CNTLN: variants seen among roughly 807,000 people sequenced by gnomAD.
CNTLN encodes the protein centlein.
A neutral mutation model predicts 180.0 loss-of-function variants in CNTLN; 212 were observed. That is an observed-to-expected ratio of 1.18 (90% CI 1.05 to 1.32). The LOEUF (loss-of-function observed/expected upper bound fraction) is 1.32, where lower values mean the gene tolerates loss of function less well. CNTLN is among the 40% of genes most tolerant of loss of function. CNTLN has a pLI of 0.00. For missense variants in CNTLN, 2,095 were observed against 1,610.9 expected (o/e 1.30, Z -5.14); for synonymous variants, 722 against 563.1 (o/e 1.28, Z -3.99).
At chr9:17,339,195 C>T (rs1385734537) in intron 10 of CNTLN, among the ~76,000 whole-genome samples, 1 of 152,102 alleles carries the variant, frequency 6.6e-6, no homozygotes, top group Non-Finnish European at 1.5e-5. Flanking sequence ...AGAGAACTAT[C>T]CTAGTAGAAA....
chr9:17,217,383 A>G (rs1005225921), intron 2 of CNTLN, among the ~76,000 whole-genome samples: 2 of 152,264 alleles, frequency 1.3e-5, no homozygotes, highest in African/African-American at 4.8e-5. Context: ...GCATGTGTGC[A>G]TATCTGCATA....
At position 17,481,633 on chromosome 9, in the gene CNTLN, C is replaced by T. The variant is rs559626179; in HGVS notation, c.3856-2662C>T. Among the ~76,000 whole-genome samples, 5 of 152,318 alleles carry T rather than the reference C, an allele frequency of 3.3e-5. No individual in the cohort carries two copies. The East Asian group carries it at 9.7e-4, about 29-fold the overall frequency. On this transcript the variant is annotated intron_variant, in intron 23 of 25. Transcript: ENST00000380647. ...GAGTCCAACCAGCAGCAATATTTGA[C>T]CAGAGAGCCTATCCTGGATGCCCCC...
At chr9:17,512,686 C>T in the CNTLN span, among the ~76,000 whole-genome samples, 2 of 152,130 alleles carry the variant, frequency 1.3e-5, no homozygotes, top group African/African-American at 2.4e-5. Context: ...CTTTTCAAAA[C>T]ATGTATTTTC....
chr9:17,173,777 A>G (rs976393016), intron 2 of CNTLN, among the ~76,000 whole-genome samples: 1 of 152,180 alleles, frequency 6.6e-6, no homozygotes, highest in Admixed American at 6.5e-5. Flanking sequence ...TAAAAATTAA[A>G]CTTTTCATTT....
Position 17,273,470 on chromosome 9 carries a change from T to G in CNTLN, c.850-263T>G, listed in dbSNP as rs541897869. Among the ~76,000 whole-genome samples the G allele has an allele frequency of 2.0e-3, 298 of 152,300 alleles. 2 individuals carry two copies. Among genetic ancestry groups the G allele is most frequent in the African/African-American group, 6.9e-3 (286 of 41,576 alleles). ...CTTTATTGTACAATAATTTAATAACTACATTTTTTATACATATCTTCTAGT... is the reference window on the plus strand; with the variant it reads ...CTTTATTGTACAATAATTTAATAACGACATTTTTTATACATATCTTCTAGT... On this transcript the variant is annotated intron_variant, in intron 5 of 25. Transcript: ENST00000380647.
At chr9:17,191,624 G>A (rs1821792582) in intron 2 of CNTLN, among the ~76,000 whole-genome samples, 1 of 152,198 alleles carries the variant, frequency 6.6e-6, no homozygotes, top group Admixed American at 6.5e-5. Context: ...TAGTAATGGT[G>A]AAATTAAGGA....
intron 5 of CNTLN, among the ~76,000 whole-genome samples, chr9:17,257,180 T>A (rs542551290): frequency 6.6e-6 from 1 of 151,162 alleles, no homozygotes; most frequent in East Asian, 2.0e-4. Flanking sequence ...CCTGTGTCCA[T>A]GTGATCTCAT....
chr9:17,366,863 T>A, intron 13 of CNTLN, 146 bp downstream of exon 13: 1 of 532,320 alleles, frequency 1.9e-6, no homozygotes, highest in Non-Finnish European at 3.3e-6. Context: ...AACATTTTCA[T>A]CCTGAGAAAA....
intron 6 of CNTLN, among the ~76,000 whole-genome samples, chr9:17,290,918 T>C (rs892185050): frequency 2.0e-5 from 3 of 152,122 alleles, no homozygotes; most frequent in Non-Finnish European, 4.4e-5. Context: ...TGGCACTCCC[T>C]AGTGAGAGAA....
At chr9:17,295,578 T>C (rs760511070) in intron 6 of CNTLN, among the ~76,000 whole-genome samples, 12 of 152,230 alleles carry the variant, frequency 7.9e-5, no homozygotes, top group Non-Finnish European at 1.3e-4. Flanking sequence ...TCACTCATTG[T>C]TTTTGTTCTT....
intron 23 of CNTLN, among the ~76,000 whole-genome samples, chr9:17,480,123 C>G (rs1305976606): frequency 1.3e-5 from 2 of 151,978 alleles, no homozygotes. Context: ...CCTAGGAGTT[C>G]AAGGCTATAG....
chr9:17,235,796 T>C lies in CNTLN; in HGVS notation c.669+4T>C. ...AGATAAAAGTCAAGAAATTAAGGTG[T>C]GTTGACTTGTACATAGTTTTGTGGG... On this transcript the variant is annotated splice_donor_region_variant and intron_variant, in intron 4 of 25. Coordinates refer to ENST00000380647, the MANE Select transcript of CNTLN (RefSeq NM_017738.4). 2.5e-6 allele frequency: 4 copies of C among 1,601,062 alleles called. No individual in the cohort carries two copies. Among genetic ancestry groups the C allele is most frequent in the Non-Finnish European group, 3.4e-6 (4 of 1,176,234 alleles).
chr9:17,258,986 C>T (rs537394129), intron 5 of CNTLN, among the ~76,000 whole-genome samples: 3 of 150,784 alleles, frequency 2.0e-5, no homozygotes, highest in East Asian at 3.9e-4. Flanking sequence ...TGCCTGATTG[C>T]CTGGCCAGAA....
chr9:17,251,691 G>A (rs1334372867), intron 5 of CNTLN, among the ~76,000 whole-genome samples: 2 of 151,702 alleles, frequency 1.3e-5, no homozygotes, highest in Non-Finnish European at 3.0e-5. Flanking sequence ...ATGAAGTCAG[G>A]GTATTTGGGG....
At chr9:17,261,603 C>T (rs182572645) in intron 5 of CNTLN, among the ~76,000 whole-genome samples, 19 of 151,486 alleles carry the variant, frequency 1.3e-4, no homozygotes, top group Admixed American at 2.0e-4. Flanking sequence ...TGTATAGAAT[C>T]ATATCATCAG....
At chr9:17,161,434 A>G (rs554406424) in intron 2 of CNTLN, among the ~76,000 whole-genome samples, 2 of 152,300 alleles carry the variant, frequency 1.3e-5, no homozygotes, top group Admixed American at 1.3e-4. Context: ...CTTTAAATGC[A>G]TAAGGAAACA....
intron 16 of CNTLN, among the ~76,000 whole-genome samples, chr9:17,412,541 G>GT (rs1827930996): frequency 6.6e-6 from 1 of 151,956 alleles, no homozygotes; most frequent in African/African-American, 2.4e-5. Context: ...CCATACAATG[G>GT]TTTTTTTAAT....
chr9:17,389,348 G>A (rs10119902), intron 14 of CNTLN, among the ~76,000 whole-genome samples: 1 of 151,548 alleles, frequency 6.6e-6, no homozygotes, highest in Non-Finnish European at 1.5e-5. Context: ...GCTTATCACC[G>A]TTTTTTCAGA....
chr9:17,356,791 T>C (rs1054721420), intron 12 of CNTLN, among the ~76,000 whole-genome samples: 12 of 152,168 alleles, frequency 7.9e-5, no homozygotes, highest in Non-Finnish European at 1.3e-4. Context: ...TACAGATATG[T>C]AATTTAAAAT....
Sources: gnomAD v4.1 joint callset for allele counts (sites outside exome capture counted in the v4.1 genomes callset) on GRCh38, gnomAD v4.1.1 for gene constraint, MANE v1.5 for transcripts, NCBI Gene and HGNC (gene_info 2026-07-23, HGNC 2026-07-21) for gene names.